Variants in ZP3 observed in about 807,000 individuals in gnomAD.
The protein encoded by ZP3 is zona pellucida sperm-binding protein 3.
ZP3 carries 21 observed loss-of-function variants against 35.6 expected under a neutral mutation model. That is an observed-to-expected ratio of 0.59 (90% CI 0.42 to 0.85). The LOEUF is 0.85. Ranked by LOEUF, ZP3 falls within the 40% of genes least tolerant of loss-of-function variation. The pLI is 0.00. For missense variants in ZP3, 437 were observed against 536.5 expected (o/e 0.81, Z 1.83); for synonymous variants, 207 against 214.5 (o/e 0.96, Z 0.31).
chr7:76,400,285 C>T (rs773157641), intron 1 of ZP3: 14 of 1,472,846 alleles, frequency 9.5e-6, no homozygotes, highest in East Asian at 2.5e-5. Flanking sequence ...GCTCCACTCA[C>T]CATCACACAG....
chr7:76,419,959 G>C (rs111785984), upstream of ZP3, among the ~76,000 whole-genome samples: 6,972 of 151,728 alleles, frequency 0.046, 486 homozygotes, highest in African/African-American at 0.15. Flanking sequence ...GCGACACCAC[G>C]CCCAGCTAAT....
intron 5 of ZP3, among the ~76,000 whole-genome samples, chr7:76,437,171 CTTTTTTTTTTTT>C (rs869115807): frequency 4.3e-3 from 335 of 78,578 alleles, no homozygotes; most frequent in African/African-American, 0.015. Context: ...ACCCTGTGTA[CTTTTTTTTTTTT>C]TTTTTTTTTT....
At chr7:76,404,562 T>TG in intron 1 of ZP3, 1 of 1,446,216 alleles carries the variant, frequency 6.9e-7, no homozygotes, top group East Asian at 2.3e-5. Context: ...GAGGCCGAGG[T>TG]GGGAGGATTG....
intron 2 of ZP3, among the ~76,000 whole-genome samples, chr7:76,431,945 T>A (rs1379405638): frequency 1.3e-5 from 2 of 151,072 alleles, no homozygotes; most frequent in Non-Finnish European, 2.9e-5. Context: ...CTCTCAAGCA[T>A]CCTGTGGAGT....
chr7:76,439,985 C>CT (rs1213326845), intron 5 of ZP3: 1 of 397,584 alleles, frequency 2.5e-6, no homozygotes, highest in East Asian at 6.1e-5. Context: ...GTAGCTGGGA[C>CT]TACAGGTACC....
chr7:76,409,915 T>G (rs1366544598), intron 1 of ZP3, among the ~76,000 whole-genome samples: 2 of 152,108 alleles, frequency 1.3e-5, no homozygotes, highest in East Asian at 1.9e-4. Context: ...CCGACCCACA[T>G]CTCAGCTGAG....
At chr7:76,411,916 G>C (rs1230372587) in intron 1 of ZP3, among the ~76,000 whole-genome samples, 1 of 152,128 alleles carries the variant, frequency 6.6e-6, no homozygotes, top group Non-Finnish European at 1.5e-5. Flanking sequence ...CCTTTAGCTG[G>C]GTGAGGTGGC....
chr7:76,431,387 T>C (rs1805820278), intron 2 of ZP3, among the ~76,000 whole-genome samples: 1 of 152,128 alleles, frequency 6.6e-6, no homozygotes, highest in African/African-American at 2.4e-5. Context: ...GAGAGGCTGG[T>C]TGTAGGCTGG....
At chr7:76,412,099 GAT>G (rs1805260712) in intron 1 of ZP3, among the ~76,000 whole-genome samples, 1 of 150,340 alleles carries the variant, frequency 6.7e-6, no homozygotes, top group East Asian at 2.0e-4. Context: ...GAGGTGGGAG[GAT>G]CACTTGAGCC....
Position 76,433,032 on chromosome 7 carries a change from T to A in ZP3, c.535+2T>A. 1 of 1,611,318 alleles carries A rather than the reference T, an allele frequency of 6.2e-7. No individual in the cohort carries two copies. The highest frequency in any genetic ancestry group is 1.1e-5 in the South Asian group (1 of 90,834). On this transcript the variant is annotated splice_donor_variant, in intron 3 of 7. Coordinates refer to ENST00000394857, the MANE Select transcript of ZP3 (RefSeq NM_001110354.2). LOFTEE classifies it high-confidence loss of function. ...CTTTCTCTCTGCGTCTGATGGAGGG[T>A]AAGAGAAGAAGGCTGGGTGGGACAT...
chr7:76,409,022 G>T (rs1367459082), intron 1 of ZP3, among the ~76,000 whole-genome samples: 1 of 152,118 alleles, frequency 6.6e-6, no homozygotes, highest in Non-Finnish European at 1.5e-5. Context: ...AGTTCAATGA[G>T]CAAATGTTTT....
upstream of ZP3, among the ~76,000 whole-genome samples, chr7:76,423,084 A>G (rs954329209): frequency 7.3e-6 from 1 of 137,134 alleles, no homozygotes; most frequent in Admixed American, 7.6e-5. Context: ...AGAAAGAAAG[A>G]AAAGAAATTG....
intron 5 of ZP3, among the ~76,000 whole-genome samples, chr7:76,435,773 A>G (rs1416633981): frequency 6.6e-6 from 1 of 150,950 alleles, no homozygotes; most frequent in Non-Finnish European, 1.5e-5. Context: ...CTGTCACCCA[A>G]GCTGGAATGC....
chr7:76,401,780 GC>G (rs1228528780), intron 1 of ZP3, among the ~76,000 whole-genome samples: 13 of 152,250 alleles, frequency 8.5e-5, no homozygotes, highest in Non-Finnish European at 1.6e-4. Context: ...GGAGCCCTCA[GC>G]TAGAAGTGCT....
chr7:76,398,916 A>G lies in ZP3; in HGVS notation c.-67+1119A>G. On this transcript the variant is annotated intron_variant, in intron 1 of 8. Coordinates refer to the ZP3 transcript ENST00000336517. The stretch of plus-strand genomic sequence containing the variant: ...GCTTGCCGCCAGAGCCTCTGGCCAC[A>G]CAAAGAGTCACAGCCAGGAACACTG... The G allele has an allele frequency of 3.1e-6, 3 of 954,998 alleles. No homozygotes were observed. The Admixed American group carries it at 6.9e-5, about 22-fold the overall frequency. The allele number at this position is 954,998 out of a possible 1,614,324, so 59.2% of individuals were successfully genotyped here. A position where few individuals can be genotyped will look rare whatever the true frequency, so the allele number is the denominator to read the frequency against.
At chr7:76,400,902 A>G (rs1804802381) in intron 1 of ZP3, 2 of 1,435,832 alleles carry the variant, frequency 1.4e-6, no homozygotes. Context: ...GGGGGCATCT[A>G]GAGTCAAGGG....
intron 1 of ZP3, among the ~76,000 whole-genome samples, chr7:76,428,275 C>T (rs1298515193): frequency 6.6e-6 from 1 of 151,720 alleles, no homozygotes; most frequent in Non-Finnish European, 1.5e-5. Flanking sequence ...GAGCCGAGTT[C>T]GTGCCACTGC....
intron 1 of ZP3, among the ~76,000 whole-genome samples, chr7:76,402,374 G>T (rs534033146): frequency 3.9e-4 from 60 of 152,072 alleles, no homozygotes; most frequent in African/African-American, 1.4e-3. Context: ...TAGAAATGGG[G>T]TCTCACCATG....
chr7:76,425,579 G>A (rs1805626797), intron 1 of ZP3, among the ~76,000 whole-genome samples: 1 of 152,158 alleles, frequency 6.6e-6, no homozygotes, highest in African/African-American at 2.4e-5. Context: ...CTGCGTGATA[G>A]GATAGCCCTG....
Sources: allele counts gnomAD v4.1 joint callset (sites outside exome capture counted in the v4.1 genomes callset), GRCh38; gene constraint gnomAD v4.1.1; transcripts MANE v1.5; gene names NCBI Gene and HGNC (gene_info 2026-07-23, HGNC 2026-07-21).